The following PSPC1 variants were observed in gnomAD, a reference collection of about 807,000 sequenced individuals.
The protein encoded by PSPC1 is paraspeckle protein 1.
PSPC1 carries 14 observed loss-of-function variants against 51.6 expected under a neutral mutation model. That is an observed-to-expected ratio of 0.27 (90% CI 0.18 to 0.42). The LOEUF (loss-of-function observed/expected upper bound fraction) is 0.42, where lower values mean the gene tolerates loss of function less well. Among genes scored for constraint, PSPC1 ranks in the 10% least tolerant of loss-of-function variants. PSPC1 has a pLI of 1.00. For synonymous variants in PSPC1, 193 were observed against 231.9 expected, an observed-to-expected ratio of 0.83 and a Z score of 1.53; for missense variants, 406 against 701.1, an observed-to-expected ratio of 0.58 and a Z score of 4.75.
At chr13:19,696,006 C>T (rs1477910334) in intron 6 of PSPC1, among the ~76,000 whole-genome samples, 2 of 152,092 alleles carry the variant, frequency 1.3e-5, no homozygotes, top group Non-Finnish European at 2.9e-5. Flanking sequence ...ATGTCGTAGA[C>T]CTGGGCCTCC....
chr13:19,740,681 C>T (rs911519103), intron 5 of PSPC1, among the ~76,000 whole-genome samples: 3 of 152,034 alleles, frequency 2.0e-5, no homozygotes, highest in African/African-American at 7.2e-5. Context: ...AATGTTTATA[C>T]CATTATATTT....
At chr13:19,696,570 A>G (rs1011155549) in intron 6 of PSPC1, among the ~76,000 whole-genome samples, 2 of 152,054 alleles carry the variant, frequency 1.3e-5, no homozygotes, top group East Asian at 3.8e-4. Flanking sequence ...TAATATATAT[A>G]CTTATGGTCT....
chr13:19,674,566 T>G (rs566461795), downstream of PSPC1: 3 of 152,326 alleles, frequency 2.0e-5, no homozygotes, highest in East Asian at 5.8e-4. Flanking sequence ...AATATACTAG[T>G]GCTGGCCAGG....
intron 6 of PSPC1, chr13:19,677,984 CTTTTT>C (rs1876858236): frequency 3.0e-6 from 1 of 329,858 alleles, no homozygotes; most frequent in African/African-American, 2.2e-5. Context: ...TAAGGATTTT[CTTTTT>C]AATTCAAAAT....
intron 6 of PSPC1, among the ~76,000 whole-genome samples, chr13:19,720,422 G>A (rs577957525): frequency 2.6e-5 from 4 of 152,282 alleles, no homozygotes; most frequent in East Asian, 3.9e-4. Context: ...GATGGCCAAC[G>A]TATGAGTTAA....
chr13:19,710,431 C>G lies in PSPC1; in HGVS notation c.1159-832G>C, dbSNP rs1172443829. On this transcript the variant is annotated intron_variant, in intron 6 of 8. Transcript: ENST00000338910. ...GCAATTTTCACTTTGACTTGATGAC[C>G]ATTTCCAATCACAGAAAACTGTTAA... 9.2e-5 allele frequency among the ~76,000 whole-genome samples: 14 copies of G among 152,066 alleles called. No individual in the cohort carries two copies. In the East Asian group the frequency reaches 2.7e-3, roughly 29 times the overall value.
chr13:19,699,166 A>G (rs1879613378), downstream of PSPC1, among the ~76,000 whole-genome samples: 1 of 151,926 alleles, frequency 6.6e-6, no homozygotes, highest in Non-Finnish European at 1.5e-5. Flanking sequence ...ATATTCTCAC[A>G]ACACATAGAA....
chr13:19,671,768 G>GT (rs1171235629), downstream of PSPC1: 22 of 1,510,742 alleles, frequency 1.5e-5, no homozygotes, highest in Middle Eastern at 5.1e-4. Context: ...CCATTTGTGG[G>GT]TTTTTTCTTG....
chr13:19,740,808 G>A (rs748888828), intron 5 of PSPC1, among the ~76,000 whole-genome samples: 5 of 151,778 alleles, frequency 3.3e-5, no homozygotes, highest in African/African-American at 4.8e-5. Flanking sequence ...TGACCATCAC[G>A]ATTGTCTATT....
chr13:19,731,514 A>C (rs1387769247), intron 5 of PSPC1, among the ~76,000 whole-genome samples: 1 of 152,144 alleles, frequency 6.6e-6, no homozygotes, highest in Non-Finnish European at 1.5e-5. Context: ...CCCAGGCTCA[A>C]GCAATCCTCC....
intron 6 of PSPC1, among the ~76,000 whole-genome samples, chr13:19,691,063 GAATGAATA>G (rs1878478780): frequency 6.6e-6 from 1 of 152,106 alleles, no homozygotes; most frequent in Non-Finnish European, 1.5e-5. Context: ...AAAATTTATT[GAATGAATA>G]AACAATCTGC....
At chr13:19,753,692 G>A (rs1886791099) in intron 3 of PSPC1, among the ~76,000 whole-genome samples, 1 of 152,130 alleles carries the variant, frequency 6.6e-6, no homozygotes, top group Admixed American at 6.6e-5. Flanking sequence ...AGGGAGGTGA[G>A]GAGGGGTGGG....
chr13:19,678,239 C>T lies in PSPC1; in HGVS notation c.1159-416G>A, dbSNP rs180844599. On this transcript the variant is annotated intron_variant and NMD_transcript_variant, in intron 6 of 7. Transcript: ENST00000471658. ...AAAATCCCACAAAGGATCCTCACTC[C>T]CACTGTGTCTGCAAAACCGTATTCC... is the stretch of plus-strand genomic sequence containing the variant. 373 of 162,280 alleles carry T rather than the reference C, an allele frequency of 2.3e-3. 1 individual carries two copies. Among genetic ancestry groups the T allele is most frequent in the Non-Finnish European group, 3.5e-3 (258 of 74,780 alleles). 10.1% of individuals were successfully genotyped at this position (162,280 alleles called of 1,614,324 possible). A position where few individuals can be genotyped will look rare whatever the true frequency, so the allele number is the denominator to read the frequency against.
chr13:19,755,752 C>A lies in PSPC1; in HGVS notation c.770+3571G>T, dbSNP rs534867096. On this transcript the variant is annotated intron_variant, in intron 3 of 8. Coordinates refer to ENST00000338910, the MANE Select transcript of PSPC1 (RefSeq NM_001354909.2). Reference sequence around the variant, plus strand: ...TCAGTCGTTATTGATTCCTTCTGATCTTCCCAATCTCTACACACTGAAGAA... The same window carrying A: ...TCAGTCGTTATTGATTCCTTCTGATATTCCCAATCTCTACACACTGAAGAA... 2.0e-4 allele frequency among the ~76,000 whole-genome samples: 31 copies of A among 152,138 alleles called. 1 individual carries two copies. Among genetic ancestry groups the A allele is most frequent in the Non-Finnish European group, 3.2e-4 (22 of 68,020 alleles).
chr13:19,748,606 A>G (rs114301750), intron 4 of PSPC1, among the ~76,000 whole-genome samples: 1,543 of 152,276 alleles, frequency 0.01, 27 homozygotes, highest in African/African-American at 0.035. Flanking sequence ...TCAGTACCTC[A>G]GACATGTCTC....
chr13:19,747,927 T>C (rs1886157830), intron 4 of PSPC1, among the ~76,000 whole-genome samples: 1 of 152,184 alleles, frequency 6.6e-6, no homozygotes, highest in Non-Finnish European at 1.5e-5. Context: ...AAATACAAAA[T>C]TGTAGGCCGG....
At chr13:19,724,250 A>T (rs1196692208) in intron 6 of PSPC1, among the ~76,000 whole-genome samples, 1 of 152,252 alleles carries the variant, frequency 6.6e-6, no homozygotes, top group Non-Finnish European at 1.5e-5. Flanking sequence ...ATTTCAGAAA[A>T]TAAATTTGTA....
At chr13:19,723,535 G>C (rs575796376) in intron 6 of PSPC1, among the ~76,000 whole-genome samples, 7 of 152,270 alleles carry the variant, frequency 4.6e-5, no homozygotes, top group South Asian at 2.1e-4. Flanking sequence ...GTCCCAGTTT[G>C]TATGAAAAAT....
intron 4 of PSPC1, among the ~76,000 whole-genome samples, chr13:19,744,557 T>C (rs1006144306): frequency 6.6e-6 from 1 of 151,186 alleles, no homozygotes; most frequent in Non-Finnish European, 1.5e-5. Context: ...AGAGATGTCT[T>C]TTTTTTTCTT....
Sources: allele counts gnomAD v4.1 joint callset (sites outside exome capture counted in the v4.1 genomes callset), GRCh38; gene constraint gnomAD v4.1.1; transcripts MANE v1.5; gene names NCBI Gene and HGNC (gene_info 2026-07-23, HGNC 2026-07-21).